Variants in MYO5B observed in about 807,000 individuals in gnomAD.
MYO5B encodes unconventional myosin-Vb.
A neutral mutation model predicts 229.3 loss-of-function variants in MYO5B; 143 were observed. The ratio of observed to expected loss-of-function variants is 0.62; its 90% CI spans 0.54 to 0.72. The LOEUF (loss-of-function observed/expected upper bound fraction) is 0.72, where lower values mean the gene tolerates loss of function less well. MYO5B is among the 30% of genes least tolerant of loss of function. MYO5B has a pLI of 0.00. For synonymous variants in MYO5B, 918 were observed against 885.2 expected, an observed-to-expected ratio of 1.04 and a Z score of -0.66; for missense variants, 2,321 against 2,331.0, an observed-to-expected ratio of 1.00 and a Z score of 0.09.
At chr18:49,948,222 T>C (rs1449225228) in intron 14 of MYO5B, among the ~76,000 whole-genome samples, 2 of 152,222 alleles carry the variant, frequency 1.3e-5, no homozygotes, top group Non-Finnish European at 2.9e-5. Flanking sequence ...GTGGTGTCTC[T>C]TCCCCAGAAT....
At chr18:49,932,952 T>C (rs996220394) in intron 16 of MYO5B, among the ~76,000 whole-genome samples, 3 of 152,090 alleles carry the variant, frequency 2.0e-5, no homozygotes, top group Non-Finnish European at 2.9e-5. Flanking sequence ...ACAATTAACA[T>C]AGAAAAATCA....
intron 1 of MYO5B, among the ~76,000 whole-genome samples, chr18:50,193,669 G>A (rs2033258637): frequency 6.6e-6 from 1 of 152,264 alleles, no homozygotes; most frequent in African/African-American, 2.4e-5. Context: ...TCTGCATGGA[G>A]GCGTGTGCAT....
At chr18:50,077,183 A>AAAAAAC in intron 1 of MYO5B, among the ~76,000 whole-genome samples, 1 of 150,674 alleles carries the variant, frequency 6.6e-6, no homozygotes, top group Non-Finnish European at 1.5e-5. Flanking sequence ...AAAAAAAAAA[A>AAAAAAC]AAAAAAAAAA....
intron 1 of MYO5B, among the ~76,000 whole-genome samples, chr18:50,109,883 A>C (rs2031834561): frequency 6.6e-6 from 1 of 152,176 alleles, no homozygotes; most frequent in South Asian, 2.1e-4. Flanking sequence ...TGTGAGAACA[A>C]GAACAAATCA....
intron 1 of MYO5B, among the ~76,000 whole-genome samples, chr18:50,181,522 AG>A (rs2033073500): frequency 6.6e-6 from 1 of 152,260 alleles, no homozygotes; most frequent in Admixed American, 6.5e-5. Context: ...TTTCTAGAAC[AG>A]AAAGCCTATC....
chr18:49,999,093 A>G lies in MYO5B; in HGVS notation c.612+2162T>C, dbSNP rs145848591. Among the ~76,000 whole-genome samples the G allele has an allele frequency of 8.2e-4, 125 of 152,382 alleles. 1 individual carries two copies. Among genetic ancestry groups the G allele is most frequent in the African/African-American group, 2.9e-3 (121 of 41,594 alleles). On this transcript the variant is annotated intron_variant, in intron 5 of 39. Transcript: ENST00000285039. Reference sequence around the variant, plus strand: ...GGTGATCTGCCTTCACTAAACTTCCAGCATGACTAATAATAACTACTTTGT... The same window carrying G: ...GGTGATCTGCCTTCACTAAACTTCCGGCATGACTAATAATAACTACTTTGT...
At chr18:50,059,260 T>C (rs2030627732) in intron 1 of MYO5B, among the ~76,000 whole-genome samples, 1 of 152,208 alleles carries the variant, frequency 6.6e-6, no homozygotes, top group Non-Finnish European at 1.5e-5. Context: ...AAACACATTG[T>C]GATAAGTACC....
chr18:50,133,625 A>T (rs180723073), intron 1 of MYO5B, among the ~76,000 whole-genome samples: 20 of 152,186 alleles, frequency 1.3e-4, no homozygotes, highest in Admixed American at 5.2e-4. Flanking sequence ...CTGCAACCCC[A>T]TGACTGTCCT....
intron 1 of MYO5B, among the ~76,000 whole-genome samples, chr18:50,072,768 G>T (rs919778072): frequency 6.6e-6 from 1 of 152,174 alleles, no homozygotes; most frequent in African/African-American, 2.4e-5. Flanking sequence ...GTACAGGATT[G>T]CATCTAGTGA....
At chr18:50,174,030 C>G (rs1349086702) in intron 1 of MYO5B, among the ~76,000 whole-genome samples, 11 of 152,078 alleles carry the variant, frequency 7.2e-5, no homozygotes, top group Non-Finnish European at 1.5e-5. Context: ...GGTAGGCCAT[C>G]ACCCAATCCA....
chr18:50,062,570 C>T (rs868084389), intron 1 of MYO5B, among the ~76,000 whole-genome samples: 1 of 152,166 alleles, frequency 6.6e-6, no homozygotes, highest in Non-Finnish European at 1.5e-5. Context: ...CAAAGTGGGA[C>T]ACACTCCACT....
At chr18:49,980,382 G>T in intron 9 of MYO5B, 62 bp downstream of exon 9, 1 of 1,163,952 alleles carries the variant, frequency 8.6e-7, no homozygotes, top group Non-Finnish European at 1.3e-6. Context: ...ACACATTTCA[G>T]TCATATCAAA....
chr18:50,053,966 C>G (rs1047382240), intron 2 of MYO5B, among the ~76,000 whole-genome samples: 5 of 152,188 alleles, frequency 3.3e-5, no homozygotes, highest in Admixed American at 6.5e-5. Flanking sequence ...TAATTTGTTA[C>G]CAACCATTTT....
intron 1 of MYO5B, among the ~76,000 whole-genome samples, chr18:50,172,712 T>C (rs559410340): frequency 1.9e-3 from 284 of 152,342 alleles, no homozygotes; most frequent in African/African-American, 6.4e-3. Context: ...ACAGGACAAG[T>C]GCTGCTCTCC....
intron 21 of MYO5B, among the ~76,000 whole-genome samples, chr18:49,901,574 T>C (rs1010279746): frequency 6.6e-6 from 1 of 152,242 alleles, no homozygotes; most frequent in African/African-American, 2.4e-5. Context: ...CATTAGACCA[T>C]TTATTCTTCT....
intron 8 of MYO5B, among the ~76,000 whole-genome samples, chr18:49,984,224 C>T (rs1028418290): frequency 2.6e-5 from 4 of 152,196 alleles, no homozygotes; most frequent in Admixed American, 2.0e-4. Context: ...GATTCCAACG[C>T]TAAAGCTCTA....
intron 1 of MYO5B, among the ~76,000 whole-genome samples, chr18:50,176,711 T>C (rs2033001833): frequency 6.6e-6 from 1 of 152,240 alleles, no homozygotes; most frequent in South Asian, 2.1e-4. Context: ...CAAATTGTTG[T>C]CGTGATAATT....
chr18:49,849,544 C>G (rs752886693), intron 32 of MYO5B, 23 bp downstream of exon 32: 2 of 1,552,742 alleles, frequency 1.3e-6, no homozygotes, highest in Admixed American at 1.7e-5. Context: ...ATTCACAAAA[C>G]ACACTCACTC....
chr18:50,091,700 T>A (rs955109193), intron 1 of MYO5B, among the ~76,000 whole-genome samples: 3 of 152,192 alleles, frequency 2.0e-5, no homozygotes, highest in African/African-American at 7.2e-5. Context: ...CTGAGCCACC[T>A]GACACCACCA....
Sources: gnomAD v4.1 joint callset for allele counts (sites outside exome capture counted in the v4.1 genomes callset) on GRCh38, gnomAD v4.1.1 for gene constraint, MANE v1.5 for transcripts, NCBI Gene and HGNC (gene_info 2026-07-23, HGNC 2026-07-21) for gene names.